The following MAGI2 variants were observed in gnomAD, a reference collection of about 807,000 sequenced individuals.
MAGI2 encodes the protein membrane associated guanylate kinase, WW and PDZ domain containing 2.
Under a neutral mutation model 133.3 loss-of-function variants are expected in MAGI2, and 35 were observed. The ratio of observed to expected loss-of-function variants is 0.26; its 90% CI spans 0.20 to 0.35. The LOEUF (loss-of-function observed/expected upper bound fraction) is 0.35. Among genes scored for constraint, MAGI2 ranks in the 10% least tolerant of loss-of-function variants. MAGI2 has a pLI of 1.00. For synonymous variants in MAGI2, 729 were observed against 710.6 expected (o/e 1.03, Z -0.41); for missense variants, 1,636 against 1,863.4 (o/e 0.88, Z 2.25).
At chr7:78,107,580 A>C (rs1818825228) in intron 20 of MAGI2, among the ~76,000 whole-genome samples, 1 of 151,986 alleles carries the variant, frequency 6.6e-6, no homozygotes, top group Non-Finnish European at 1.5e-5. Flanking sequence ...GTTTATTTCT[A>C]GGCATTTTAT....
chr7:79,037,572 A>T (rs899736857), intron 1 of MAGI2, among the ~76,000 whole-genome samples: 1 of 152,138 alleles, frequency 6.6e-6, no homozygotes, highest in African/African-American at 2.4e-5. Context: ...TCTTAGTTCC[A>T]CTAAGAGTAA....
At chr7:78,080,565 A>G (rs1000163095) in intron 20 of MAGI2, among the ~76,000 whole-genome samples, 7 of 152,244 alleles carry the variant, frequency 4.6e-5, no homozygotes, top group Non-Finnish European at 1.0e-4. Flanking sequence ...CTCATGGCAC[A>G]GAATTAAACT....
intron 1 of MAGI2, among the ~76,000 whole-genome samples, chr7:79,045,205 G>C (rs575316829): frequency 7.9e-5 from 12 of 152,264 alleles, no homozygotes; most frequent in Middle Eastern, 6.8e-3. Flanking sequence ...CAGATCAGTG[G>C]CTTCCTAGGG....
chr7:78,277,054 T>A (rs548655787), intron 9 of MAGI2, among the ~76,000 whole-genome samples: 1 of 152,214 alleles, frequency 6.6e-6, no homozygotes, highest in African/African-American at 2.4e-5. Context: ...TAACTACTAG[T>A]TGTAGTTTCT....
intron 21 of MAGI2, among the ~76,000 whole-genome samples, chr7:78,041,004 G>C (rs746998722): frequency 6.6e-6 from 1 of 152,096 alleles, no homozygotes; most frequent in Non-Finnish European, 1.5e-5. Flanking sequence ...TTGAATGCTC[G>C]TGGCGTGTTG....
chr7:79,097,911 C>A (rs1317288991), intron 1 of MAGI2, among the ~76,000 whole-genome samples: 1 of 152,126 alleles, frequency 6.6e-6, no homozygotes, highest in African/African-American at 2.4e-5. Context: ...CACTTGAGGT[C>A]AGGAGTTCGA....
chr7:79,314,272 C>A (rs539235625), intron 1 of MAGI2, among the ~76,000 whole-genome samples: 3 of 152,216 alleles, frequency 2.0e-5, no homozygotes, highest in Admixed American at 6.5e-5. Context: ...CCCTTCTTGG[C>A]CTTATTTTAG....
intron 21 of MAGI2, among the ~76,000 whole-genome samples, chr7:78,037,819 G>A (rs1052112440): frequency 2.0e-5 from 3 of 152,182 alleles, no homozygotes; most frequent in Non-Finnish European, 4.4e-5. Flanking sequence ...TCAGAGCTGA[G>A]GGGAGAGGAT....
At chr7:78,482,774 A>G (rs1157894920) in intron 6 of MAGI2, among the ~76,000 whole-genome samples, 1 of 151,694 alleles carries the variant, frequency 6.6e-6, no homozygotes, top group Non-Finnish European at 1.5e-5. Flanking sequence ...AAGCATGGCT[A>G]TGAAGGGGTA....
chr7:78,345,850 C>T, intron 8 of MAGI2, 72 bp downstream of exon 8: 1 of 1,589,782 alleles, frequency 6.3e-7, no homozygotes, highest in Non-Finnish European at 8.6e-7. Context: ...AAGCTACAGA[C>T]ATATTTGGAA....
chr7:79,047,735 G>A (rs1450552894), intron 1 of MAGI2, among the ~76,000 whole-genome samples: 1 of 152,000 alleles, frequency 6.6e-6, no homozygotes, highest in African/African-American at 2.4e-5. Flanking sequence ...CTAGTATTAT[G>A]ATTAATTATT....
chr7:79,426,979 A>G (rs1404533450), intron 1 of MAGI2, among the ~76,000 whole-genome samples: 8 of 152,132 alleles, frequency 5.3e-5, no homozygotes, highest in Non-Finnish European at 1.2e-4. Context: ...CTTTACTTCC[A>G]CCAACTTTAC....
chr7:78,274,909 T>C (rs867238721), intron 9 of MAGI2, among the ~76,000 whole-genome samples: 103 of 152,266 alleles, frequency 6.8e-4, no homozygotes, highest in African/African-American at 2.4e-3. Context: ...GCCAGACCAC[T>C]TGGCTCCCTG....
At chr7:78,913,598 T>C (rs1798575960) in intron 2 of MAGI2, among the ~76,000 whole-genome samples, 1 of 152,176 alleles carries the variant, frequency 6.6e-6, no homozygotes, top group Non-Finnish European at 1.5e-5. Context: ...TCCTAGAGCA[T>C]CAGTTCCTTT....
At chr7:78,897,573 C>G (rs1345006629) in intron 2 of MAGI2, among the ~76,000 whole-genome samples, 3 of 152,110 alleles carry the variant, frequency 2.0e-5, no homozygotes, top group Non-Finnish European at 2.9e-5. Flanking sequence ...ATAATTCCTC[C>G]AGCTTTGTTC....
chr7:78,101,145 T>G (rs1265584969), intron 20 of MAGI2, among the ~76,000 whole-genome samples: 1 of 152,188 alleles, frequency 6.6e-6, no homozygotes, highest in African/African-American at 2.4e-5. Context: ...ATCAACAGAT[T>G]TAATGTAATC....
At chr7:78,482,933 G>T (rs1792570199) in intron 6 of MAGI2, among the ~76,000 whole-genome samples, 1 of 148,558 alleles carries the variant, frequency 6.7e-6, no homozygotes, top group African/African-American at 2.5e-5. Flanking sequence ...ACGAGTACTT[G>T]TATACCTGGC....
intron 10 of MAGI2, chr7:78,253,967 T>C (rs1792700204): frequency 6.6e-6 from 1 of 152,284 alleles, no homozygotes; most frequent in Non-Finnish European, 1.5e-5. Flanking sequence ...GAGATGAGTA[T>C]AAATTGTGGG....
At position 78,439,537 on chromosome 7, in the gene MAGI2, G is replaced by T. The variant is rs560816329; in HGVS notation, c.1045+50224C>A. ...AAGATGTGGGACCTTTGAGGAGGGG[G>T]CACAGCAAGAGTGAAGTCATGGAGG... On this transcript the variant is annotated intron_variant, in intron 6 of 21. Transcript: ENST00000354212. Among the ~76,000 whole-genome samples, 4 of 152,188 alleles carry T rather than the reference G, an allele frequency of 2.6e-5. No individual in the cohort carries two copies. The East Asian group carries it at 7.8e-4, about 29-fold the overall frequency.
Sources: allele counts gnomAD v4.1 joint callset (sites outside exome capture counted in the v4.1 genomes callset), GRCh38; gene constraint gnomAD v4.1.1; transcripts MANE v1.5; gene names NCBI Gene and HGNC (gene_info 2026-07-23, HGNC 2026-07-21).